WRAP53: variants seen among roughly 807,000 people sequenced by gnomAD.
The protein encoded by WRAP53 is telomerase Cajal body protein 1.
A neutral mutation model predicts 56.6 loss-of-function variants in WRAP53; 28 were observed. The observed-to-expected ratio is 0.50, with a 90% CI of 0.37 to 0.68. WRAP53 has a LOEUF of 0.68. Ranked by LOEUF, WRAP53 falls within the 30% of genes least tolerant of loss-of-function variation. WRAP53 has a pLI of 0.00. For synonymous variants in WRAP53, 283 were observed against 283.4 expected, an observed-to-expected ratio of 1.00 and a Z score of 0.01; for missense variants, 671 against 715.5, an observed-to-expected ratio of 0.94 and a Z score of 0.71.
chr17:7,688,861 C>T lies in WRAP53; in HGVS notation c.213C>T (p.Asp71=), dbSNP rs774095773. 11 of 1,614,048 alleles carry T rather than the reference C, an allele frequency of 6.8e-6. No homozygotes were observed. Among genetic ancestry groups the T allele is most frequent in the Non-Finnish European group, 9.3e-6 (11 of 1,180,040 alleles). The change falls in exon 2 of 11, where the codon GAC becomes GAT. Residue 71 remains aspartate, a synonymous_variant. Coordinates refer to ENST00000396463, the MANE Select transcript of WRAP53 (RefSeq NM_001143992.2). The part of the protein sequence containing the change: ...SAVSQELREG[D]PVSLSTPLET... Reference sequence around the variant, plus strand: ...TGTCCCAGGAGCTACGGGAGGGGGACCCAGTTTCTCTCTCCACTCCCCTGG... The same window carrying T: ...TGTCCCAGGAGCTACGGGAGGGGGATCCAGTTTCTCTCTCCACTCCCCTGG...
intron 4 of WRAP53, among the ~76,000 whole-genome samples, chr17:7,693,184 C>CTTTTTT (rs60578072): frequency 0.37 from 54,427 of 146,946 alleles, 15,230 homozygotes; most frequent in African/African-American, 0.8. Flanking sequence ...TCTTTTTTTT[C>CTTTTTT]TTTTTTTTGA....
rs2074267635 is a variant in WRAP53 at position 7,701,117 on chromosome 17, T to C, written c.731+288T>C. On this transcript the variant is annotated intron_variant, in intron 5 of 10. Coordinates refer to ENST00000396463, the MANE Select transcript of WRAP53 (RefSeq NM_001143992.2). The surrounding 1 kb of genome is among the most constrained non-coding windows in gnomAD (Gnocchi z 4.2). ...CCTCCTGAGTAGCTGGGATTACAGG[T>C]GTGCACCACCACACCCAGCTAATTG... Among the ~76,000 whole-genome samples the C allele has an allele frequency of 6.6e-6, 1 of 152,102 alleles. No homozygotes were observed. Among genetic ancestry groups the C allele is most frequent in the Admixed American group, 6.5e-5 (1 of 15,272 alleles).
intron 4 of WRAP53, among the ~76,000 whole-genome samples, chr17:7,692,665 C>T (rs966426320): frequency 2.0e-5 from 3 of 150,282 alleles, no homozygotes; most frequent in African/African-American, 7.3e-5. Context: ...TTTTCTCCCA[C>T]CCATCCTAAT....
chr17:7,687,197 C>T, upstream of WRAP53: 1 of 397,626 alleles, frequency 2.5e-6, no homozygotes, highest in Non-Finnish European at 4.4e-6. Flanking sequence ...ACACCCAGGT[C>T]TCCCAACAAT....
At chr17:7,693,853 C>A (rs2074146233) in intron 4 of WRAP53, among the ~76,000 whole-genome samples, 1 of 152,248 alleles carries the variant, frequency 6.6e-6, no homozygotes, top group South Asian at 2.1e-4. Context: ...TTGAGGTTTA[C>A]CAGGAGAGAA....
At chr17:7,686,099 A>G (rs1015306473), upstream of WRAP53, 1 of 152,270 alleles carries the variant, frequency 6.6e-6, no homozygotes, top group Non-Finnish European at 1.5e-5. Flanking sequence ...CCTACCAGGA[A>G]GAACCGGCTC....
chr17:7,692,718 G>A (rs1284156840), intron 4 of WRAP53, among the ~76,000 whole-genome samples: 1 of 147,176 alleles, frequency 6.8e-6, no homozygotes, highest in Non-Finnish European at 1.5e-5. Flanking sequence ...TCTTGTCAAG[G>A]TCACTAATGT....
chr17:7,695,663 C>T (rs1385812623), intron 4 of WRAP53, among the ~76,000 whole-genome samples: 2 of 152,146 alleles, frequency 1.3e-5, no homozygotes, highest in Non-Finnish European at 2.9e-5. Context: ...ACTGTACAGC[C>T]TTCCGGTGCT....
chr17:7,699,460 A>ATATATATATATATT (rs2074232081), intron 4 of WRAP53, among the ~76,000 whole-genome samples: 2 of 17,198 alleles, frequency 1.2e-4, no homozygotes, highest in Non-Finnish European at 1.9e-4. Context: ...ATATATATTT[A>ATATATATATATATT]TATATATATA....
intron 4 of WRAP53, among the ~76,000 whole-genome samples, chr17:7,692,746 CTTT>C (rs1177019881): frequency 2.5e-3 from 247 of 97,980 alleles, no homozygotes; most frequent in Middle Eastern, 0.016. Context: ...GGTCATTCTC[CTTT>C]TTTTTTTTTT....
intron 4 of WRAP53, among the ~76,000 whole-genome samples, chr17:7,693,485 G>A (rs144992568): frequency 0.14 from 21,332 of 152,072 alleles, 1,844 homozygotes; most frequent in East Asian, 0.3. Flanking sequence ...TTGGGGGGCC[G>A]AGGCAGGTGG....
intron 4 of WRAP53, among the ~76,000 whole-genome samples, chr17:7,699,480 A>T (rs796607857): frequency 0.039 from 435 of 11,228 alleles, 20 homozygotes; most frequent in East Asian, 0.25. Context: ...ATATATTTAT[A>T]TATATATATA....
chr17:7,699,758 G>A (rs1201267451), intron 4 of WRAP53, among the ~76,000 whole-genome samples: 1 of 150,762 alleles, frequency 6.6e-6, no homozygotes, highest in African/African-American at 2.4e-5. Context: ...GTATTTTTGA[G>A]ACAGTGTTTC....
chr17:7,695,255 TTAAA>T (rs1773724670), intron 4 of WRAP53, among the ~76,000 whole-genome samples: 2 of 152,146 alleles, frequency 1.3e-5, no homozygotes, highest in South Asian at 2.1e-4. Context: ...GCACCCGGCC[TTAAA>T]TAGATAAAAT....
rs1483868009 is a variant in WRAP53 at position 7,688,867 on chromosome 17, TTCTC to T, written c.224_227del (p.Leu75ProfsTer14). On this transcript the variant is annotated frameshift_variant, in exon 2 of 11. Transcript: ENST00000396463. LOFTEE classifies it high-confidence loss of function. ...AGGAGCTACGGGAGGGGGACCCAGTTTCTCTCTCCACTCCCCTGGAAACAGAGTT... is the reference window on the plus strand; with the variant it reads ...AGGAGCTACGGGAGGGGGACCCAGTTTCTCCACTCCCCTGGAAACAGAGTT... The T allele has an allele frequency of 1.2e-6, 2 of 1,614,204 alleles. No individual in the cohort carries two copies. The highest frequency in any genetic ancestry group is 4.5e-5 in the East Asian group (2 of 44,884).
chr17:7,689,551 A>G (rs1272158027), intron 3 of WRAP53, 39 bp from the exon 4 acceptor site: 2 of 1,582,146 alleles, frequency 1.3e-6, no homozygotes, highest in Non-Finnish European at 1.7e-6. Context: ...CTTGAAAAGC[A>G]TAGGTCTGGC....
At chr17:7,695,106 C>A (rs1349513152) in intron 4 of WRAP53, among the ~76,000 whole-genome samples, 2 of 152,048 alleles carry the variant, frequency 1.3e-5, no homozygotes, top group African/African-American at 4.8e-5. Flanking sequence ...GCACCCACTG[C>A]CACCACGCCA....
At chr17:7,693,375 A>G (rs1378568733) in intron 4 of WRAP53, among the ~76,000 whole-genome samples, 1 of 152,120 alleles carries the variant, frequency 6.6e-6, no homozygotes, top group Non-Finnish European at 1.5e-5. Context: ...GATGATTATA[A>G]TAGCACCTGC....
At position 7,702,986 on chromosome 17, in the gene WRAP53, C is replaced by T. The variant is rs375297133; in HGVS notation, c.1269-7C>T. ...CTCTGCCAGCAAATCTCTCCTCTCT[C>T]TCGCAGGACCGGGCAGTTCCTAGTG... On this transcript the variant is annotated splice_region_variant and splice_polypyrimidine_tract_variant and intron_variant, in intron 9 of 10. Transcript: ENST00000396463. This position sits in a 1 kb window ranked among gnomAD's most constrained non-coding sequence, Gnocchi z 5.0. The T allele has an allele frequency of 1.9e-6, 3 of 1,613,784 alleles. No individual in the cohort carries two copies. The highest frequency in any genetic ancestry group is 2.5e-6 in the Non-Finnish European group (3 of 1,180,032).
Sources: gnomAD v4.1 joint callset for allele counts (sites outside exome capture counted in the v4.1 genomes callset) on GRCh38, gnomAD v4.1.1 for gene constraint, Gnocchi (gnomAD v3.1) non-coding constraint, MANE v1.5 for transcripts, NCBI Gene and HGNC (gene_info 2026-07-23, HGNC 2026-07-21) for gene names.